The following EFNB1 variants were observed in gnomAD, a reference collection of about 807,000 sequenced individuals.
EFNB1 encodes ephrin-B1.
EFNB1 carries 1 observed loss-of-function variant against 18.1 expected under a neutral mutation model. That is an observed-to-expected ratio of 0.06 (90% CI 0.02 to 0.26). The LOEUF is 0.26. EFNB1 is among the 10% of genes least tolerant of loss of function. The pLI, the probability that EFNB1 is intolerant of heterozygous loss-of-function variation, is 1.00. For synonymous variants in EFNB1, 131 were observed against 127.5 expected (o/e 1.03, Z -0.19); for missense variants, 221 against 301.8 (o/e 0.73, Z 1.98).
intron 1 of EFNB1, among the ~76,000 whole-genome samples, chrX:68,833,692 C>T (rs1013245422): frequency 1.8e-5 from 2 of 112,042 alleles, no homozygotes; most frequent in Non-Finnish European, 3.8e-5. Flanking sequence ...CATAGCAGCC[C>T]CTCTTGGGCG....
At chrX:68,832,837 T>TGTGTGTGTGTGTCTGA (rs1280587432) in intron 1 of EFNB1, among the ~76,000 whole-genome samples, 4 of 109,739 alleles carry the variant, frequency 3.6e-5, no homozygotes, top group African/African-American at 1.3e-4. Context: ...TGTGTGTGTG[T>TGTGTGTGTGTGTCTGA]GTGTCTGAGT....
intron 2 of EFNB1, 120 bp downstream of exon 2, chrX:68,839,014 T>A: frequency 9.4e-6 from 9 of 959,916 alleles, no homozygotes; most frequent in Non-Finnish European, 1.2e-5. Flanking sequence ...CCCTGCTGGA[T>A]CTGATCCCCT....
At chrX:68,836,633 G>A (rs1402075786) in intron 1 of EFNB1, among the ~76,000 whole-genome samples, 6 of 112,535 alleles carry the variant, frequency 5.3e-5, no homozygotes, top group Non-Finnish European at 7.5e-5. Flanking sequence ...CCAGTAGGCC[G>A]GTATTGCTTG....
chrX:68,831,097 G>A (rs1027645015), intron 1 of EFNB1, among the ~76,000 whole-genome samples: 4 of 111,191 alleles, frequency 3.6e-5, no homozygotes, highest in Admixed American at 9.5e-5. Flanking sequence ...AGGAAACTGG[G>A]GAGCTTTGAC....
In EFNB1 at chrX:68,829,753, G is replaced by A. The variant is rs749239215; in HGVS notation, c.-24G>A. 3.4e-6 allele frequency: 4 copies of A among 1,181,290 alleles called. No homozygotes were observed. Among genetic ancestry groups the A allele is most frequent in the Admixed American group, 2.4e-5 (1 of 41,308 alleles). On this transcript the variant is annotated 5_prime_UTR_variant, in exon 1 of 5. Transcript: ENST00000204961. ...TGGTGAGGAGGCGCCAAGGGATCCCGAAGTGCAGTCTGCCCCCGGGAAGAT... is the reference window on the plus strand; with the variant it reads ...TGGTGAGGAGGCGCCAAGGGATCCCAAAGTGCAGTCTGCCCCCGGGAAGAT...
rs143341175 is a variant in EFNB1, at chrX:68,840,456, G to A, written c.843G>A (p.Ser281=). Residue 281 remains serine, a synonymous_variant, in exon 5 of 5, where the codon TCG becomes TCA. Coordinates refer to ENST00000204961, the MANE Select transcript of EFNB1 (RefSeq NM_004429.5). The stretch of plus-strand genomic sequence containing the variant: ...CACAGCAGCGGGCGGCTGCCCTCTC[G>A]CTCAGTACCCTGGCCAGTCCCAAGG... ...KHTQQRAAAL[S]LSTLASPKGG... The A allele has an allele frequency of 1.1e-4, 132 of 1,210,269 alleles. No individual in the cohort carries two copies. Among genetic ancestry groups the A allele is most frequent in the Non-Finnish European group, 1.3e-4 (119 of 895,210 alleles).
At chrX:68,830,045 TGCGG>T in intron 1 of EFNB1, 141 bp downstream of exon 1, 2 of 711,433 alleles carry the variant, frequency 2.8e-6, no homozygotes, top group Non-Finnish European at 3.9e-6. Context: ...AGTGTTTTCC[TGCGG>T]GCGGGCGGAT....
At chrX:68,829,948 C>A (rs780004665) in intron 1 of EFNB1, 44 bp downstream of exon 1, 101 of 1,164,511 alleles carry the variant, frequency 8.7e-5, no homozygotes, top group Non-Finnish European at 1.1e-4. Flanking sequence ...GGAGGCACTC[C>A]TTCAGGGTGA....
intron 1 of EFNB1, among the ~76,000 whole-genome samples, chrX:68,837,153 GTTA>G (rs1418578576): frequency 9.0e-6 from 1 of 111,586 alleles, no homozygotes; most frequent in Admixed American, 9.6e-5. Context: ...TCGAGTATGG[GTTA>G]TTTACTTTTC....
At chrX:68,832,199 TCTC>T (rs1252141819) in intron 1 of EFNB1, among the ~76,000 whole-genome samples, 2 of 110,214 alleles carry the variant, frequency 1.8e-5, no homozygotes, top group African/African-American at 6.6e-5. Context: ...CTGCCCGAGT[TCTC>T]CTCTCAGGCC....
At chrX:68,836,497 A>G (rs1812910456) in intron 1 of EFNB1, among the ~76,000 whole-genome samples, 1 of 112,055 alleles carries the variant, frequency 8.9e-6, no homozygotes, top group African/African-American at 3.3e-5. Flanking sequence ...GACATGGAGG[A>G]AAGGCTGCTT....
At chrX:68,839,006 C>A (rs1253030434) in intron 2 of EFNB1, 112 bp downstream of exon 2, 1 of 978,123 alleles carries the variant, frequency 1.0e-6, no homozygotes, top group African/African-American at 1.9e-5. Flanking sequence ...AGTTAAGACC[C>A]TGCTGGATCT....
At position 68,829,430 on chromosome X, in the gene EFNB1, G is replaced by A. The variant is rs1337612299; in HGVS notation, c.-347G>A. On this transcript the variant is annotated 5_prime_UTR_variant, in exon 1 of 5. Coordinates refer to ENST00000204961, the MANE Select transcript of EFNB1 (RefSeq NM_004429.5). ...CTGCGGGAAGACCCCGTCGGGGAGA[G>A]GGCGCGCAGCCCCGAAGCGTCTCGG... 3.9e-6 allele frequency: 1 copy of A among 257,345 alleles called. No homozygotes were observed. The highest frequency in any genetic ancestry group is 6.9e-6 in the Non-Finnish European group (1 of 145,041). The allele number at this position is 257,345 out of a possible 1,213,427, so 21.2% of individuals were successfully genotyped here.
intron 1 of EFNB1, among the ~76,000 whole-genome samples, chrX:68,832,953 C>G (rs1437106207): frequency 9.0e-6 from 1 of 110,627 alleles, no homozygotes; most frequent in African/African-American, 3.3e-5. Flanking sequence ...CAGCCAAGTC[C>G]AGCTGCTGCA....
intron 1 of EFNB1, among the ~76,000 whole-genome samples, chrX:68,832,074 C>T (rs1401308392): frequency 9.0e-6 from 1 of 110,759 alleles, no homozygotes; most frequent in Admixed American, 9.5e-5. Context: ...GAAGGAGGCA[C>T]TGCCCTCAGC....
Position 68,829,732 on chromosome X carries a change from G to C in EFNB1, c.-45G>C, listed in dbSNP as rs1336205821. 1 of 1,173,099 alleles carries C rather than the reference G, an allele frequency of 8.5e-7. No homozygotes were observed. The highest frequency in any genetic ancestry group is 1.9e-5 in the South Asian group (1 of 53,138). On this transcript the variant is annotated 5_prime_UTR_variant, in exon 1 of 5. Coordinates refer to ENST00000204961, the MANE Select transcript of EFNB1 (RefSeq NM_004429.5). The stretch of plus-strand genomic sequence containing the variant: ...AGAGGAAGGCGAGGCGAGCTTTGGT[G>C]AGGAGGCGCCAAGGGATCCCGAAGT...
chrX:68,829,621 C>A lies in EFNB1; in HGVS notation c.-156C>A. ...TCCTGGCCGGCCGGGCGGAGAAGAG[C>A]GACACCGAAGCCGGCGGGAGGGGAG... On this transcript the variant is annotated 5_prime_UTR_variant, in exon 1 of 5. Coordinates refer to ENST00000204961, the MANE Select transcript of EFNB1 (RefSeq NM_004429.5). 2.1e-6 allele frequency: 2 copies of A among 944,779 alleles called. No homozygotes were observed. Among genetic ancestry groups the A allele is most frequent in the African/African-American group, 1.9e-5 (1 of 52,317 alleles). 77.9% of individuals were successfully genotyped at this position (944,779 alleles called of 1,213,427 possible).
chrX:68,830,553 C>T (rs1432462876), intron 1 of EFNB1, among the ~76,000 whole-genome samples: 2 of 112,998 alleles, frequency 1.8e-5, no homozygotes, highest in African/African-American at 6.4e-5. Flanking sequence ...ACAAAGGCAG[C>T]GGGTGGAGAG....
intron 1 of EFNB1, among the ~76,000 whole-genome samples, chrX:68,838,117 C>CTGTGTG (rs1232247468): frequency 1.7e-4 from 14 of 80,991 alleles, no homozygotes; most frequent in South Asian, 1.7e-3. Flanking sequence ...TGTGGGCTTG[C>CTGTGTG]TGTGTGTGTG....
Sources: allele counts gnomAD v4.1 joint callset (sites outside exome capture counted in the v4.1 genomes callset), GRCh38; gene constraint gnomAD v4.1.1; transcripts MANE v1.5; gene names NCBI Gene and HGNC (gene_info 2026-07-23, HGNC 2026-07-21).